KIAA1549: variants seen among roughly 807,000 people sequenced by gnomAD.
The protein encoded by KIAA1549 is UPF0606 protein KIAA1549.
In KIAA1549, 70 loss-of-function variants were observed where a neutral mutation model predicts 156.4. The observed-to-expected ratio is 0.45, with a 90% CI of 0.37 to 0.55. The LOEUF (loss-of-function observed/expected upper bound fraction) is 0.55. KIAA1549 is among the 20% of genes least tolerant of loss of function. The pLI is 0.00. For missense variants in KIAA1549, 2,428 were observed against 2,540.9 expected, an observed-to-expected ratio of 0.96 and a Z score of 0.96; for synonymous variants, 1,103 against 1,066.4, an observed-to-expected ratio of 1.03 and a Z score of -0.67.
chr7:138,981,250 C>A lies in KIAA1549; in HGVS notation c.20G>T (p.Arg7Leu). 1.0e-6 allele frequency: 1 copy of A among 982,152 alleles called. No homozygotes were observed. Among genetic ancestry groups the A allele is most frequent in the South Asian group, 4.6e-5 (1 of 21,878 alleles). The allele number at this position is 982,152 out of a possible 1,614,324, so 60.8% of individuals were successfully genotyped here. MPGARR[R>L]RRGAAMEGKP... is the part of the protein sequence containing the mutation. The stretch of plus-strand genomic sequence containing the variant: ...CCCCTCCATGGCCGCGCCTCGGCGT[C>A]GGCGCCGCGCCCCCGGCATTCCCGG... The change falls in exon 1 of 20, where the codon CGA (arginine) becomes CTA (leucine). Residue 7 changes from arginine to leucine, a missense_variant. Coordinates refer to ENST00000422774, the MANE Select transcript of KIAA1549 (RefSeq NM_001164665.2). The surrounding 1 kb of genome is among the most constrained non-coding windows in gnomAD (Gnocchi z 4.5).
chr7:138,863,010 A>G (rs935975395), intron 15 of KIAA1549, among the ~76,000 whole-genome samples: 1 of 152,256 alleles, frequency 6.6e-6, no homozygotes, highest in Non-Finnish European at 1.5e-5. Flanking sequence ...ATAAGTAACA[A>G]TAAAGATTTT....
At chr7:138,923,957 T>A (rs1812637506) in intron 1 of KIAA1549, among the ~76,000 whole-genome samples, 1 of 152,234 alleles carries the variant, frequency 6.6e-6, no homozygotes, top group African/African-American at 2.4e-5. Context: ...CCTTTCTCTA[T>A]CATATGAATT....
At chr7:138,933,277 G>C (rs1296303998) in intron 1 of KIAA1549, among the ~76,000 whole-genome samples, 1 of 152,208 alleles carries the variant, frequency 6.6e-6, no homozygotes, top group Non-Finnish European at 1.5e-5. Flanking sequence ...GGTTAAAGAC[G>C]CAAGTTTCTA....
chr7:138,929,725 T>C (rs1217784192), intron 1 of KIAA1549, among the ~76,000 whole-genome samples: 2 of 152,238 alleles, frequency 1.3e-5, no homozygotes, highest in African/African-American at 4.8e-5. Flanking sequence ...TGCCTTGCTC[T>C]ATTTCCCAAG....
chr7:138,849,319 A>G (rs765558144), intron 17 of KIAA1549, among the ~76,000 whole-genome samples: 1 of 151,296 alleles, frequency 6.6e-6, no homozygotes, highest in Non-Finnish European at 1.5e-5. Context: ...CTTTTTTTAC[A>G]TCTTGAGGTC....
chr7:138,953,815 T>C (rs1813567590), intron 1 of KIAA1549, among the ~76,000 whole-genome samples: 1 of 152,240 alleles, frequency 6.6e-6, no homozygotes, highest in African/African-American at 2.4e-5. Flanking sequence ...AGCACTTATT[T>C]CATATCTACT....
chr7:138,964,124 G>A (rs572844189), intron 1 of KIAA1549, among the ~76,000 whole-genome samples: 1 of 152,340 alleles, frequency 6.6e-6, no homozygotes, highest in South Asian at 2.1e-4. Flanking sequence ...TACGTTTGGT[G>A]AGCATCTTCT....
chr7:138,861,510 T>C, intron 15 of KIAA1549, 54 bp from the exon 16 acceptor site: 1 of 1,419,448 alleles, frequency 7.0e-7, no homozygotes, highest in Non-Finnish European at 9.7e-7. Context: ...GTGGCAACCC[T>C]AAACAGTTTT....
Position 138,868,205 on chromosome 7 carries a change from C to T in KIAA1549, c.4776-77G>A, listed in dbSNP as rs954759785. 9.4e-6 allele frequency: 13 copies of T among 1,390,202 alleles called. No homozygotes were observed. The Admixed American group carries it at 1.8e-4, about 19-fold the overall frequency. The allele number at this position is 1,390,202 out of a possible 1,614,324, so 86.1% of individuals were successfully genotyped here. A position where few individuals can be genotyped will look rare whatever the true frequency, so the allele number is the denominator to read the frequency against. On this transcript the variant is annotated intron_variant, in intron 14 of 19. Coordinates refer to ENST00000422774, the MANE Select transcript of KIAA1549 (RefSeq NM_001164665.2). ...TGACTTACCAACTAAACACTAAGTA[C>T]CCTGAGTACCTAGGATGTGCTACCC...
chr7:138,856,716 T>C (rs576880118), intron 16 of KIAA1549, among the ~76,000 whole-genome samples: 2 of 152,352 alleles, frequency 1.3e-5, no homozygotes, highest in East Asian at 3.9e-4. Flanking sequence ...GTGCCCGCTC[T>C]GTTACTACTC....
chr7:138,861,017 A>G (rs1027561374), intron 16 of KIAA1549, 122 bp downstream of exon 16: 99 of 890,694 alleles, frequency 1.1e-4, no homozygotes, highest in Admixed American at 2.4e-4. Flanking sequence ...AAGACCCATC[A>G]CCCGAGTTTT....
At chr7:138,851,582 G>A (rs1033740343) in intron 17 of KIAA1549, among the ~76,000 whole-genome samples, 2 of 151,772 alleles carry the variant, frequency 1.3e-5, no homozygotes, top group Non-Finnish European at 2.9e-5. Flanking sequence ...GGGTGTGTGT[G>A]GAAGGGGGGC....
chr7:138,961,452 C>T (rs569511201), intron 1 of KIAA1549, among the ~76,000 whole-genome samples: 26 of 152,222 alleles, frequency 1.7e-4, no homozygotes, highest in African/African-American at 6.0e-4. Flanking sequence ...GATGCGCTTT[C>T]CCTACCCTGC....
Position 138,844,446 on chromosome 7 carries a change from A to C in KIAA1549, c.5323T>G (p.Ser1775Ala). Reference protein sequence around the residue: ...RPGFGPGLLQSTELVPPDPQQ... With the variant: ...RPGFGPGLLQATELVPPDPQQ... Reference sequence around the variant, plus strand: ...GGGTCAGGGGGCACCAGCTCTGTAGACTGCAGCAAACCGGGGCCAAAACCT... The same window carrying C: ...GGGTCAGGGGGCACCAGCTCTGTAGCCTGCAGCAAACCGGGGCCAAAACCT... Residue 1775 changes from serine to alanine, a missense_variant, in exon 18 of 20, where the codon TCT becomes GCT. This residue lies in a region of KIAA1549 where 363 missense variants were observed against 354.0 expected (regional missense o/e 1.03). Coordinates refer to ENST00000422774, the MANE Select transcript of KIAA1549 (RefSeq NM_001164665.2). The C allele has an allele frequency of 6.5e-7, 1 of 1,546,610 alleles. No homozygotes were observed. The highest frequency in any genetic ancestry group is 8.7e-7 in the Non-Finnish European group (1 of 1,149,850).
chr7:138,870,366 G>A (rs1010198675), intron 13 of KIAA1549, among the ~76,000 whole-genome samples: 6 of 152,152 alleles, frequency 3.9e-5, no homozygotes, highest in Admixed American at 1.3e-4. Context: ...AAAGTCACTC[G>A]AACCTTGGAA....
chr7:138,917,417 G>A lies in KIAA1549; in HGVS notation c.2209C>T (p.Leu737=), dbSNP rs1456717627. 3.7e-6 allele frequency: 6 copies of A among 1,614,014 alleles called. No individual in the cohort carries two copies. Among genetic ancestry groups the A allele is most frequent in the East Asian group, 2.2e-5 (1 of 44,880 alleles). ...LEFVEASTVS[L]TDSEAHFTSA... ...GTAAAATGAGCTTCTGAATCCGTCA[G>A]TGAAACCGTAGACGCTTCAACAAAC... Residue 737 remains leucine (L), a synonymous_variant, in exon 2 of 20, where the codon CTG becomes TTG. Transcript: ENST00000422774.
At chr7:138,849,896 G>T (rs770738900) in intron 17 of KIAA1549, among the ~76,000 whole-genome samples, 1 of 151,944 alleles carries the variant, frequency 6.6e-6, no homozygotes, top group African/African-American at 2.4e-5. Context: ...ACATGATTTC[G>T]CTCTTTTTTA....
At chr7:138,937,528 AATG>A (rs766320271) in intron 1 of KIAA1549, among the ~76,000 whole-genome samples, 4 of 152,186 alleles carry the variant, frequency 2.6e-5, no homozygotes, top group African/African-American at 7.2e-5. Flanking sequence ...GACAGACAAT[AATG>A]ATGAACAGAG....
chr7:138,916,656 T>A, intron 2 of KIAA1549, 92 bp downstream of exon 2: 3 of 1,539,782 alleles, frequency 1.9e-6, no homozygotes, highest in Non-Finnish European at 2.6e-6. Context: ...CCTCTGCTCT[T>A]AACCATGAAG....
Sources: allele counts gnomAD v4.1 joint callset (sites outside exome capture counted in the v4.1 genomes callset), GRCh38; gene constraint gnomAD v4.1.1; regional missense constraint gnomAD v4.1.1; non-coding constraint Gnocchi (gnomAD v3.1); transcripts MANE v1.5; gene names NCBI Gene and HGNC (gene_info 2026-07-23, HGNC 2026-07-21).